Variants in ARHGAP31 observed in about 807,000 individuals in gnomAD.
ARHGAP31 encodes rho GTPase-activating protein 31.
A neutral mutation model predicts 113.9 loss-of-function variants in ARHGAP31; 34 were observed. The observed-to-expected ratio is 0.30, with a 90% CI of 0.23 to 0.40. The LOEUF (loss-of-function observed/expected upper bound fraction) is 0.40, where lower values mean the gene tolerates loss of function less well. Ranked by LOEUF, ARHGAP31 falls within the 10% of genes least tolerant of loss-of-function variation. The pLI is 1.00. For synonymous variants in ARHGAP31, 650 were observed against 684.8 expected (o/e 0.95, Z 0.79); for missense variants, 1,548 against 1,767.1 (o/e 0.88, Z 2.22).
chr3:119,354,589 C>T (rs939311275), intron 1 of ARHGAP31, among the ~76,000 whole-genome samples: 1 of 151,688 alleles, frequency 6.6e-6, no homozygotes, highest in African/African-American at 2.4e-5. Context: ...CTCACTGCAA[C>T]CTCCGCCTGC....
At chr3:119,345,228 C>T (rs910185360) in intron 1 of ARHGAP31, among the ~76,000 whole-genome samples, 2 of 152,240 alleles carry the variant, frequency 1.3e-5, no homozygotes, top group African/African-American at 4.8e-5. Flanking sequence ...CCTCGTGATC[C>T]ACCCACCTCG....
chr3:119,365,301 T>C lies in ARHGAP31; in HGVS notation c.101-15T>C, dbSNP rs1371272040. On this transcript the variant is annotated splice_polypyrimidine_tract_variant and intron_variant, in intron 1 of 11. Coordinates refer to ENST00000264245, the MANE Select transcript of ARHGAP31 (RefSeq NM_020754.4). ...CATCTAATACTTAATTGTTTTTTTC[T>C]TTTCTTTTACATAGTTCCATACGTT... The C allele has an allele frequency of 6.2e-7, 1 of 1,608,974 alleles. No homozygotes were observed. Among genetic ancestry groups the C allele is most frequent in the Non-Finnish European group, 8.5e-7 (1 of 1,176,426 alleles).
intron 3 of ARHGAP31, 124 bp downstream of exon 3, chr3:119,368,640 G>A: frequency 1.6e-6 from 2 of 1,282,292 alleles, no homozygotes; most frequent in Non-Finnish European, 2.2e-6. Context: ...AGCGTGGTGA[G>A]GGAAGTAGGA....
intron 2 of ARHGAP31, among the ~76,000 whole-genome samples, chr3:119,366,045 C>A (rs1461170535): frequency 1.3e-5 from 2 of 151,754 alleles, no homozygotes; most frequent in Non-Finnish European, 2.9e-5. Flanking sequence ...ATAAAGAGGG[C>A]AAAACATTTT....
chr3:119,335,984 ACAT>A (rs1457070042), intron 1 of ARHGAP31, among the ~76,000 whole-genome samples: 2 of 152,054 alleles, frequency 1.3e-5, no homozygotes, highest in South Asian at 2.1e-4. Context: ...ACCAGCCTAG[ACAT>A]CATGGTGAAA....
intron 1 of ARHGAP31, among the ~76,000 whole-genome samples, chr3:119,361,407 A>G (rs2080205407): frequency 6.9e-6 from 1 of 143,952 alleles, no homozygotes; most frequent in Non-Finnish European, 1.5e-5. Context: ...ACAGAGTCAG[A>G]GTCTAGCTTT....
chr3:119,388,230 A>AT (rs796130414), intron 6 of ARHGAP31, among the ~76,000 whole-genome samples: 23 of 146,974 alleles, frequency 1.6e-4, no homozygotes, highest in Admixed American at 6.7e-4. Flanking sequence ...TGTAATTTCT[A>AT]TTTTTTTTAT....
At position 119,414,243 on chromosome 3, in the gene ARHGAP31, G is replaced by A. The variant is rs781272160; in HGVS notation, c.2314G>A (p.Gly772Arg). 82 of 1,614,068 alleles carry A rather than the reference G, an allele frequency of 5.1e-5. No individual in the cohort carries two copies. The highest frequency in any genetic ancestry group is 6.7e-5 in the Non-Finnish European group (79 of 1,180,030). Residue 772 changes from glycine (G) to arginine (R), a missense_variant, in exon 12 of 12, where the codon GGA becomes AGA. Transcript: ENST00000264245. Reference protein sequence around the residue: ...KASPQATVEVGGPGNLSPPLP... With the variant: ...KASPQATVEVRGPGNLSPPLP... The stretch of plus-strand genomic sequence containing the variant: ...ATCTCCACAAGCAACAGTGGAAGTA[G>A]GAGGCCCAGGCAATCTGTCTCCTCC...
In ARHGAP31 at chr3:119,390,837, G is replaced by T; in HGVS notation, c.735G>T (p.Met245Ile). 6.2e-7 allele frequency: 1 copy of T among 1,613,676 alleles called. No homozygotes were observed. Among genetic ancestry groups the T allele is most frequent in the African/African-American group, 1.3e-5 (1 of 75,006 alleles). ...CCTTGCCAGCCCTCTCCCTGCCCAT[G>T]AAGCTGGTGAGCCTTGAGGAAGCTC... ...SLTLPALSLP[M>I]KLVSLEEAQA... is the part of the protein sequence containing the mutation. Residue 245 changes from methionine to isoleucine, a missense_variant, in exon 7 of 12, where the codon ATG becomes ATT. Coordinates refer to ENST00000264245, the MANE Select transcript of ARHGAP31 (RefSeq NM_020754.4).
At chr3:119,330,107 G>A (rs62265241) in intron 1 of ARHGAP31, 14,893 of 765,456 alleles carry the variant, frequency 0.019, 175 homozygotes, top group Non-Finnish European at 0.021. Context: ...CCCAATTAGT[G>A]TTGTGGAGAG....
intron 11 of ARHGAP31, among the ~76,000 whole-genome samples, chr3:119,411,881 C>T (rs2080720027): frequency 6.6e-6 from 1 of 152,146 alleles, no homozygotes; most frequent in Admixed American, 6.5e-5. Context: ...GATGAATAAA[C>T]ACAATCCTGA....
rs777537877 is a variant in ARHGAP31, at chr3:119,383,121, G to T, written c.577G>T (p.Ala193Ser). ...TGAAGCCACTGGTTGCAATGGAGAT[G>T]CAGCCTTCCTTGCAGTCCGGGTCCA... ...EIEATGCNGD[A>S]AFLAVRVQQV... Residue 193 changes from alanine to serine, a missense_variant, in exon 6 of 12, where the codon GCA (alanine) becomes TCA (serine). By Grantham distance (99) the Ala-to-Ser change is moderately conservative. Coordinates refer to ENST00000264245, the MANE Select transcript of ARHGAP31 (RefSeq NM_020754.4). 5.0e-6 allele frequency: 8 copies of T among 1,614,218 alleles called. No homozygotes were observed. The highest frequency in any genetic ancestry group is 6.8e-6 in the Non-Finnish European group (8 of 1,180,044).
At chr3:119,317,499 C>A (rs1018714586) in intron 1 of ARHGAP31, among the ~76,000 whole-genome samples, 4 of 152,088 alleles carry the variant, frequency 2.6e-5, no homozygotes, top group Non-Finnish European at 5.9e-5. Context: ...TCAGTAGAAG[C>A]AGTAAAGAAA....
chr3:119,415,425 G>C lies in ARHGAP31; in HGVS notation c.3496G>C (p.Asp1166His), dbSNP rs1419010663. ...TTACTCCCAGGACCCCCAGGACCTG[G>C]ACATTGTTGCTCATGCACTGACAGG... is the stretch of plus-strand genomic sequence containing the variant. The part of the protein sequence containing the change: ...RVYSQDPQDL[D>H]IVAHALTGRR... The change falls in exon 12 of 12, where the codon GAC becomes CAC. Residue 1166 changes from aspartate to histidine, a missense_variant. Physicochemically the swap from Asp to His is moderately conservative, Grantham distance 81. Coordinates refer to ENST00000264245, the MANE Select transcript of ARHGAP31 (RefSeq NM_020754.4). 1 of 1,613,884 alleles carries C rather than the reference G, an allele frequency of 6.2e-7. No homozygotes were observed. Among genetic ancestry groups the C allele is most frequent in the Non-Finnish European group, 8.5e-7 (1 of 1,180,044 alleles).
chr3:119,374,067 A>G lies in ARHGAP31; in HGVS notation c.348+5551A>G, dbSNP rs181755356. ...AAACTGTGTGGCCATGAAAAGTCAC[A>G]GTTTTGAAAAATGTTTACTGACCAT... On this transcript the variant is annotated intron_variant, in intron 3 of 11. Coordinates refer to ENST00000264245, the MANE Select transcript of ARHGAP31 (RefSeq NM_020754.4). Among the ~76,000 whole-genome samples the G allele has an allele frequency of 1.2e-4, 18 of 152,370 alleles. No individual in the cohort carries two copies. In the East Asian group the frequency reaches 3.5e-3, roughly 29 times the overall value.
In ARHGAP31 at chr3:119,294,866, G is replaced by C. The variant is rs762210061; in HGVS notation, c.-39G>C. ...TCTTACAGCGGTGCCAAGCAGAGGG[G>C]CGGCAGAGACGGAGGGGCAGCCTCT... On this transcript the variant is annotated 5_prime_UTR_variant, in exon 1 of 12. Coordinates refer to ENST00000264245, the MANE Select transcript of ARHGAP31 (RefSeq NM_020754.4). 5 of 1,585,534 alleles carry C rather than the reference G, an allele frequency of 3.2e-6. No individual in the cohort carries two copies. The Middle Eastern group carries it at 9.0e-4, about 284-fold the overall frequency.
intron 1 of ARHGAP31, among the ~76,000 whole-genome samples, chr3:119,336,693 T>C (rs773802054): frequency 6.8e-6 from 1 of 146,838 alleles, no homozygotes; most frequent in African/African-American, 2.4e-5. Context: ...ATTTAAAGTA[T>C]ACAAGTCAAT....
chr3:119,414,367 T>G lies in ARHGAP31; in HGVS notation c.2438T>G (p.Leu813Trp), dbSNP rs780215085. 6.2e-7 allele frequency: 1 copy of G among 1,613,970 alleles called. No individual in the cohort carries two copies. The highest frequency in any genetic ancestry group is 1.1e-5 in the South Asian group (1 of 91,082). ...GAAAGAGAAGACTCATCCAGGAAATTGAGGACAGATCTCTACATAGACCAG... is the reference window on the plus strand; with the variant it reads ...GAAAGAGAAGACTCATCCAGGAAATGGAGGACAGATCTCTACATAGACCAG... The part of the protein sequence containing the change: ...GPEREDSSRK[L>W]RTDLYIDQLK... Residue 813 changes from leucine to tryptophan, a missense_variant, in exon 12 of 12, where the codon TTG (leucine) becomes TGG (tryptophan). Leu to Trp is a moderately conservative substitution (Grantham distance 61). Coordinates refer to ENST00000264245, the MANE Select transcript of ARHGAP31 (RefSeq NM_020754.4).
intron 1 of ARHGAP31, among the ~76,000 whole-genome samples, chr3:119,334,516 T>C (rs1292745472): frequency 6.6e-5 from 10 of 152,230 alleles, no homozygotes; most frequent in African/African-American, 2.4e-4. Context: ...CTCGAAGTCA[T>C]GCCTTCTGGG....
Sources: gnomAD v4.1 joint callset for allele counts (sites outside exome capture counted in the v4.1 genomes callset) on GRCh38, gnomAD v4.1.1 for gene constraint, MANE v1.5 for transcripts, NCBI Gene and HGNC (gene_info 2026-07-23, HGNC 2026-07-21) for gene names.